The following CSMD1 variants were observed in gnomAD, a reference collection of about 807,000 sequenced individuals.
The protein encoded by CSMD1 is CUB and Sushi multiple domains 1, also known as CUB and sushi domain-containing protein 1.
Under a neutral mutation model 417.5 loss-of-function variants are expected in CSMD1, and 213 were observed. The observed-to-expected ratio is 0.51, with a 90% CI of 0.46 to 0.57. CSMD1 has a LOEUF of 0.57. Among genes scored for constraint, CSMD1 ranks in the 20% least tolerant of loss-of-function variants. CSMD1 has a pLI of 0.00. For missense variants in CSMD1, 6,923 were observed against 4,529.7 expected, an observed-to-expected ratio of 1.53 and a Z score of -15.17; for synonymous variants, 2,862 against 1,736.8, an observed-to-expected ratio of 1.65 and a Z score of -16.11.
Position 3,511,003 on chromosome 8 carries a change from A to C in CSMD1, c.1345-17277T>G, listed in dbSNP as rs6991544. 6.4e-3 allele frequency among the ~76,000 whole-genome samples: 975 copies of C among 151,446 alleles called. 33 individuals carry two copies. The highest frequency in any genetic ancestry group is 0.023 in the African/African-American group (942 of 40,958). On this transcript the variant is annotated intron_variant, in intron 10 of 69. Transcript: ENST00000635120. ...CCCAAAGGCCCATCAATGATAGACCAAACAAAGAAAACGTGGCACTTATAC... is the reference window on the plus strand; with the variant it reads ...CCCAAAGGCCCATCAATGATAGACCCAACAAAGAAAACGTGGCACTTATAC...
At chr8:4,573,369 G>C (rs559823546) in intron 2 of CSMD1, among the ~76,000 whole-genome samples, 2 of 152,234 alleles carry the variant, frequency 1.3e-5, no homozygotes, top group Middle Eastern at 3.4e-3. Flanking sequence ...CCTTCTAACA[G>C]TCAGGCCCCT....
At chr8:3,096,232 G>A (rs577314877) in intron 47 of CSMD1, among the ~76,000 whole-genome samples, 4 of 152,226 alleles carry the variant, frequency 2.6e-5, no homozygotes, top group Non-Finnish European at 5.9e-5. Flanking sequence ...TGTTTGAAAA[G>A]TGACAATGTT....
chr8:3,198,382 A>G (rs1796814451), intron 33 of CSMD1, among the ~76,000 whole-genome samples: 2 of 152,252 alleles, frequency 1.3e-5, no homozygotes, highest in South Asian at 2.1e-4. Context: ...AAAGTCAGAT[A>G]GAATTTATTT....
At chr8:4,662,238 A>G (rs1294688047) in intron 1 of CSMD1, among the ~76,000 whole-genome samples, 1 of 152,168 alleles carries the variant, frequency 6.6e-6, no homozygotes, top group Non-Finnish European at 1.5e-5. Flanking sequence ...GATTTTTTAT[A>G]ATTAATACCA....
chr8:3,956,479 A>G (rs758608362), intron 5 of CSMD1, among the ~76,000 whole-genome samples: 2 of 152,170 alleles, frequency 1.3e-5, no homozygotes, highest in Non-Finnish European at 2.9e-5. Flanking sequence ...ATCCACGTAC[A>G]TTCCTAAAGA....
chr8:4,371,459 T>C (rs896018799), intron 3 of CSMD1, among the ~76,000 whole-genome samples: 2 of 152,226 alleles, frequency 1.3e-5, no homozygotes, highest in African/African-American at 4.8e-5. Context: ...AGAGGGCATG[T>C]CTGGGGATAG....
chr8:3,964,295 G>A (rs548715587), intron 5 of CSMD1, among the ~76,000 whole-genome samples: 1 of 152,170 alleles, frequency 6.6e-6, no homozygotes, highest in African/African-American at 2.4e-5. Flanking sequence ...TTTAGGGAGC[G>A]TTCCACAGTC....
chr8:4,841,386 A>T (rs903563671), intron 1 of CSMD1, among the ~76,000 whole-genome samples: 8 of 152,276 alleles, frequency 5.3e-5, no homozygotes, highest in South Asian at 2.1e-4. Context: ...GAAGGCAGGG[A>T]CCACACCTTT....
intron 3 of CSMD1, among the ~76,000 whole-genome samples, chr8:4,201,293 C>A (rs1799629392): frequency 6.6e-6 from 1 of 152,082 alleles, no homozygotes; most frequent in African/African-American, 2.4e-5. Flanking sequence ...AATCCCAGCA[C>A]TTTGGGAGGC....
At chr8:4,305,085 A>G (rs1362018302) in intron 3 of CSMD1, among the ~76,000 whole-genome samples, 1 of 152,180 alleles carries the variant, frequency 6.6e-6, no homozygotes, top group Non-Finnish European at 1.5e-5. Context: ...CAGAATCACA[A>G]CAGGTTCCAT....
At chr8:4,248,615 A>C (rs2128828921) in intron 3 of CSMD1, among the ~76,000 whole-genome samples, 1 of 152,260 alleles carries the variant, frequency 6.6e-6, no homozygotes, top group African/African-American at 2.4e-5. Flanking sequence ...ACTTCTCGAA[A>C]AGACCTTTTC....
intron 3 of CSMD1, among the ~76,000 whole-genome samples, chr8:4,342,595 GA>G (rs936900523): frequency 1.5e-4 from 22 of 151,474 alleles, no homozygotes; most frequent in Middle Eastern, 3.4e-3. Flanking sequence ...AGGTTACTGG[GA>G]AAAAAAAGAT....
intron 23 of CSMD1, among the ~76,000 whole-genome samples, chr8:3,341,545 G>C (rs375323708): frequency 6.6e-6 from 1 of 152,184 alleles, no homozygotes; most frequent in Non-Finnish European, 1.5e-5. Flanking sequence ...TTGTGAAGCA[G>C]CCACAGGAAG....
At chr8:4,307,006 AG>A (rs1178745098) in intron 3 of CSMD1, among the ~76,000 whole-genome samples, 1 of 152,086 alleles carries the variant, frequency 6.6e-6, no homozygotes, top group Non-Finnish European at 1.5e-5. Context: ...GCCCTGGTTC[AG>A]CCCCTCTTCG....
At chr8:4,136,441 C>G (rs772729426) in intron 3 of CSMD1, among the ~76,000 whole-genome samples, 8 of 152,122 alleles carry the variant, frequency 5.3e-5, no homozygotes, top group African/African-American at 1.9e-4. Flanking sequence ...AGCAAGCATC[C>G]CTTTTGAAAA....
At chr8:4,598,406 T>C (rs907360063) in intron 2 of CSMD1, among the ~76,000 whole-genome samples, 3 of 152,162 alleles carry the variant, frequency 2.0e-5, no homozygotes, top group Non-Finnish European at 2.9e-5. Context: ...AGCTCTGTCA[T>C]ATAAGGTCAT....
intron 3 of CSMD1, among the ~76,000 whole-genome samples, chr8:4,039,632 A>C (rs538015544): frequency 1.3e-5 from 2 of 152,178 alleles, no homozygotes; most frequent in East Asian, 3.9e-4. Context: ...AGTGAAAGAG[A>C]AGGACCTCAT....
intron 25 of CSMD1, among the ~76,000 whole-genome samples, chr8:3,293,914 G>C (rs900229080): frequency 6.6e-6 from 1 of 152,092 alleles, no homozygotes; most frequent in Non-Finnish European, 1.5e-5. Context: ...CTGATTTTTA[G>C]TTTGCAGTTT....
At chr8:4,710,431 T>C (rs1023206588) in intron 1 of CSMD1, among the ~76,000 whole-genome samples, 3 of 147,368 alleles carry the variant, frequency 2.0e-5, no homozygotes, top group Admixed American at 1.4e-4. Flanking sequence ...TTTAATACAA[T>C]ATAAACTTTA....
Sources: gnomAD v4.1 joint callset for allele counts (sites outside exome capture counted in the v4.1 genomes callset) on GRCh38, gnomAD v4.1.1 for gene constraint, MANE v1.5 for transcripts, NCBI Gene and HGNC (gene_info 2026-07-23, HGNC 2026-07-21) for gene names.